The following GRM8 variants were observed in gnomAD, a reference collection of about 807,000 sequenced individuals.
The protein encoded by GRM8 is metabotropic glutamate receptor 8.
GRM8 carries 47 observed loss-of-function variants against 87.2 expected under a neutral mutation model. The ratio of observed to expected loss-of-function variants is 0.54; its 90% CI spans 0.43 to 0.69. The LOEUF is 0.69. GRM8 is among the 30% of genes least tolerant of loss of function. The pLI is 0.00. For missense variants in GRM8, 1,019 were observed against 1,139.2 expected (o/e 0.89, Z 1.52); for synonymous variants, 396 against 404.5 (o/e 0.98, Z 0.25).
intron 3 of GRM8, among the ~76,000 whole-genome samples, chr7:126,907,475 G>A (rs1200167123): frequency 2.0e-5 from 3 of 152,098 alleles, no homozygotes; most frequent in Non-Finnish European, 4.4e-5. Context: ...CCACCCTAAA[G>A]TTGTGTAATG....
chr7:126,671,247 C>T, intron 7 of GRM8, among the ~76,000 whole-genome samples: 1 of 152,210 alleles, frequency 6.6e-6, no homozygotes, highest in East Asian at 1.9e-4. Flanking sequence ...AGGAGAAAAT[C>T]ACCCAACTCA....
At chr7:127,030,061 G>A (rs771517113) in intron 3 of GRM8, among the ~76,000 whole-genome samples, 1 of 152,052 alleles carries the variant, frequency 6.6e-6, no homozygotes, top group Non-Finnish European at 1.5e-5. Flanking sequence ...CTGCCCAGGT[G>A]AGGAGTGGGG....
intron 7 of GRM8, among the ~76,000 whole-genome samples, chr7:126,631,078 G>C (rs943734557): frequency 1.3e-5 from 2 of 152,184 alleles, no homozygotes; most frequent in Admixed American, 6.6e-5. Context: ...AATAGGAAGA[G>C]AGGAAGTCAA....
intron 3 of GRM8, among the ~76,000 whole-genome samples, chr7:126,942,042 C>A (rs1177058438): frequency 2.0e-5 from 3 of 152,170 alleles, no homozygotes; most frequent in African/African-American, 7.2e-5. Context: ...AGCCTGTTAA[C>A]CTCATGAATT....
rs201472196 is a variant in GRM8, at chr7:126,707,584, T to C, written c.1357+62281A>G. On this transcript the variant is annotated intron_variant, in intron 7 of 10. Coordinates refer to ENST00000339582, the MANE Select transcript of GRM8 (RefSeq NM_000845.3). Reference sequence around the variant, plus strand: ...TCAACGCATTAAAGGTACAGCCCCCTGATGGAACTAAATAGAGAACCCAGA... The same window carrying C: ...TCAACGCATTAAAGGTACAGCCCCCCGATGGAACTAAATAGAGAACCCAGA... Among the ~76,000 whole-genome samples, 39 of 152,254 alleles carry C rather than the reference T, an allele frequency of 2.6e-4. No individual in the cohort carries two copies. In the East Asian group the frequency reaches 6.8e-3, roughly 26 times the overall value.
In GRM8 at chr7:126,900,227, C is replaced by T. The variant is rs964523086; in HGVS notation, c.1156+2315G>A. On this transcript the variant is annotated intron_variant, in intron 6 of 10. Transcript: ENST00000339582. ...CCACCTGCTGGCCAGTTTCATGGGG[C>T]TATCTCAGAACAAAATTCAAGTTTA... Among the ~76,000 whole-genome samples the T allele has an allele frequency of 5.7e-4, 86 of 152,182 alleles. 1 individual carries two copies. The highest frequency in any genetic ancestry group is 1.8e-4 in the Non-Finnish European group (12 of 68,034).
chr7:126,953,398 C>A (rs1428375543), intron 3 of GRM8, among the ~76,000 whole-genome samples: 1 of 152,094 alleles, frequency 6.6e-6, no homozygotes, highest in African/African-American at 2.4e-5. Context: ...CTTGCAAAGA[C>A]CGTGGCCTTA....
At chr7:126,851,271 T>C (rs1287651086) in intron 6 of GRM8, among the ~76,000 whole-genome samples, 1 of 152,126 alleles carries the variant, frequency 6.6e-6, no homozygotes, top group East Asian at 1.9e-4. Flanking sequence ...TCCAGGGCTA[T>C]CCCTCTGTTC....
At chr7:126,857,716 C>A (rs746642715) in intron 6 of GRM8, among the ~76,000 whole-genome samples, 1 of 152,178 alleles carries the variant, frequency 6.6e-6, no homozygotes, top group Non-Finnish European at 1.5e-5. Flanking sequence ...CAAGGCTGCA[C>A]AGTTCCTCTG....
chr7:126,806,453 T>A (rs905540031), intron 6 of GRM8, among the ~76,000 whole-genome samples: 2 of 152,210 alleles, frequency 1.3e-5, no homozygotes, highest in African/African-American at 2.4e-5. Context: ...CCGAGTGCAT[T>A]GTGGCTGCTT....
chr7:126,709,488 A>G (rs1006048232), intron 7 of GRM8, among the ~76,000 whole-genome samples: 4 of 151,924 alleles, frequency 2.6e-5, no homozygotes, highest in East Asian at 1.9e-4. Context: ...GAAGAAGAAG[A>G]AGGAGGAGGG....
At chr7:127,123,975 C>G (rs1450979829) in intron 2 of GRM8, among the ~76,000 whole-genome samples, 1 of 152,100 alleles carries the variant, frequency 6.6e-6, no homozygotes, top group Non-Finnish European at 1.5e-5. Context: ...CATGCAGCAG[C>G]CTTTTTGAGC....
chr7:126,578,777 G>A (rs1795330970), intron 8 of GRM8, among the ~76,000 whole-genome samples: 1 of 152,018 alleles, frequency 6.6e-6, no homozygotes, highest in Non-Finnish European at 1.5e-5. Context: ...CTTTAATTCA[G>A]TTCTCTAATT....
intron 2 of GRM8, among the ~76,000 whole-genome samples, chr7:127,208,509 A>G (rs7784231): frequency 0.32 from 48,659 of 152,050 alleles, 9,109 homozygotes; most frequent in African/African-American, 0.52. Context: ...TGATTTTTCC[A>G]TGATGAAACT....
intron 2 of GRM8, among the ~76,000 whole-genome samples, chr7:127,222,766 G>A (rs1339250559): frequency 6.6e-6 from 1 of 152,134 alleles, no homozygotes; most frequent in Non-Finnish European, 1.5e-5. Context: ...GACAATACTG[G>A]TCAGAGAAGT....
chr7:126,689,368 C>T (rs774239337), intron 7 of GRM8, among the ~76,000 whole-genome samples: 14 of 152,088 alleles, frequency 9.2e-5, no homozygotes, highest in Non-Finnish European at 1.6e-4. Context: ...AGGAATTATG[C>T]CAACAACAAT....
intron 6 of GRM8, among the ~76,000 whole-genome samples, chr7:126,879,917 G>T (rs2130980900): frequency 6.6e-6 from 1 of 152,244 alleles, no homozygotes; most frequent in South Asian, 2.1e-4. Flanking sequence ...CCCTTTCTCA[G>T]TCACAATGCA....
rs1184618327 is a variant in GRM8, at chr7:126,528,080, T to C, written c.2430+4872A>G. Among the ~76,000 whole-genome samples the C allele has an allele frequency of 2.0e-5, 3 of 152,176 alleles. No individual in the cohort carries two copies. The East Asian group carries it at 5.8e-4, about 29-fold the overall frequency. ...TTAGCTGGGAGTGGTGGCGTGTGCC[T>C]GTAGTCCCAGTTACTTGGGAGGCTG... On this transcript the variant is annotated intron_variant, in intron 9 of 10. Transcript: ENST00000339582.
At chr7:126,636,154 T>G (rs1801833074) in intron 7 of GRM8, among the ~76,000 whole-genome samples, 1 of 152,158 alleles carries the variant, frequency 6.6e-6, no homozygotes, top group South Asian at 2.1e-4. Context: ...CCTTTTGGAA[T>G]TGGGATTTCT....
Sources: gnomAD v4.1 joint callset for allele counts (sites outside exome capture counted in the v4.1 genomes callset) on GRCh38, gnomAD v4.1.1 for gene constraint, MANE v1.5 for transcripts, NCBI Gene and HGNC (gene_info 2026-07-23, HGNC 2026-07-21) for gene names.